CHLSN: variants seen among roughly 807,000 people sequenced by gnomAD.
The protein encoded by CHLSN is cholesin.
At chr7:1,018,491 T>C in the CHLSN span, among the ~76,000 whole-genome samples, 1 of 151,704 alleles carries the variant, frequency 6.6e-6, no homozygotes, top group South Asian at 2.1e-4. Flanking sequence ...GGCACACCCA[T>C]GGCCAGCAGG....
At chr7:1,093,328 G>T in the CHLSN span, 1 of 423,416 alleles carries the variant, frequency 2.4e-6, no homozygotes, top group Non-Finnish European at 5.0e-6. Flanking sequence ...GTCTGAGCTG[G>T]ACGTCGCGGT....
chr7:1,081,074 G>A, the CHLSN span, among the ~76,000 whole-genome samples: 5 of 152,370 alleles, frequency 3.3e-5, no homozygotes, highest in East Asian at 1.9e-4. Flanking sequence ...GTGGAGGAGG[G>A]GGAGCACGCC....
chr7:1,029,252 C>T, the CHLSN span, among the ~76,000 whole-genome samples: 5 of 152,126 alleles, frequency 3.3e-5, no homozygotes, highest in South Asian at 6.2e-4. Context: ...CTTGGCCTTC[C>T]GAGTAGCTGG....
At chr7:1,134,023 T>C in the CHLSN span, among the ~76,000 whole-genome samples, 1 of 152,080 alleles carries the variant, frequency 6.6e-6, no homozygotes, top group African/African-American at 2.4e-5. Context: ...CAGACTGGTC[T>C]CAAACTCCTG....
At chr7:1,088,503 C>T in the CHLSN span, among the ~76,000 whole-genome samples, 1 of 152,192 alleles carries the variant, frequency 6.6e-6, no homozygotes, top group African/African-American at 2.4e-5. This position sits in a 1 kb window ranked among gnomAD's most constrained non-coding sequence, Gnocchi z 4.5. Flanking sequence ...CCCGGAGCTC[C>T]GGTGGTCTCA....
At chr7:1,083,413 A>G in the CHLSN span, among the ~76,000 whole-genome samples, 2 of 152,052 alleles carry the variant, frequency 1.3e-5, no homozygotes, top group African/African-American at 4.8e-5. Context: ...TCACGAGGTC[A>G]GGAGATCGAG....
At chr7:1,004,928 G>A in the CHLSN span, among the ~76,000 whole-genome samples, 2 of 152,162 alleles carry the variant, frequency 1.3e-5, no homozygotes, top group African/African-American at 2.4e-5. Flanking sequence ...CCAGAGAGAA[G>A]AACCTCCTCC....
the CHLSN span, among the ~76,000 whole-genome samples, chr7:992,684 T>C: frequency 2.0e-5 from 3 of 152,214 alleles, no homozygotes; most frequent in Non-Finnish European, 4.4e-5. Flanking sequence ...CTCTGGGACC[T>C]GGGCCCTCCC....
At chr7:1,068,140 A>G in the CHLSN span, among the ~76,000 whole-genome samples, 13 of 152,188 alleles carry the variant, frequency 8.5e-5, no homozygotes, top group Non-Finnish European at 1.6e-4. Flanking sequence ...AGCAGAGGGC[A>G]AAGCCTTGAG....
At chr7:1,027,880 C>T in the CHLSN span, among the ~76,000 whole-genome samples, 3 of 152,210 alleles carry the variant, frequency 2.0e-5, no homozygotes, top group Non-Finnish European at 4.4e-5. Context: ...GCTGCTGCAT[C>T]GCGGCTGGGG....
the CHLSN span, chr7:984,353 G>A: frequency 7.5e-6 from 11 of 1,467,920 alleles, no homozygotes; most frequent in Admixed American, 1.8e-4. Context: ...GGCCTGAGGG[G>A]ACCTAAGGGG....
At chr7:1,134,837 A>G in the CHLSN span, among the ~76,000 whole-genome samples, 1 of 152,140 alleles carries the variant, frequency 6.6e-6, no homozygotes, top group Admixed American at 6.5e-5. Flanking sequence ...AGATCGCACC[A>G]CTGCACTCCA....
At chr7:1,029,806 G>A in the CHLSN span, among the ~76,000 whole-genome samples, 1 of 152,226 alleles carries the variant, frequency 6.6e-6, no homozygotes, top group Non-Finnish European at 1.5e-5. Context: ...AGTCAGGCCT[G>A]GGGCTGGCTG....
chr7:1,127,604 T>C, the CHLSN span, among the ~76,000 whole-genome samples: 2 of 152,066 alleles, frequency 1.3e-5, no homozygotes, highest in African/African-American at 4.8e-5. Flanking sequence ...TGTCTTTTTT[T>C]TTTTTGAGTC....
At chr7:1,016,170 CACACA>C in the CHLSN span, among the ~76,000 whole-genome samples, 7 of 99,216 alleles carry the variant, frequency 7.1e-5, 1 homozygote, top group African/African-American at 2.2e-4. Flanking sequence ...CACACAGCAG[CACACA>C]GCAGCACACG....
the CHLSN span, among the ~76,000 whole-genome samples, chr7:1,129,838 C>T: frequency 6.6e-6 from 1 of 152,170 alleles, no homozygotes; most frequent in Non-Finnish European, 1.5e-5. Flanking sequence ...GAACACAAAG[C>T]GTTTAAGATT....
At chr7:1,086,406 C>T in the CHLSN span, among the ~76,000 whole-genome samples, 1 of 152,214 alleles carries the variant, frequency 6.6e-6, no homozygotes, top group Non-Finnish European at 1.5e-5. Flanking sequence ...AGCAAATCAG[C>T]TCTTTATCAT....
the CHLSN span, among the ~76,000 whole-genome samples, chr7:1,038,398 A>C: frequency 2.9e-5 from 2 of 68,588 alleles, no homozygotes; most frequent in Non-Finnish European, 5.9e-5. Context: ...GGGGCCCCTC[A>C]GCCCGGCCAG....
the CHLSN span, among the ~76,000 whole-genome samples, chr7:980,173 A>C: frequency 1.3e-5 from 2 of 152,174 alleles, no homozygotes; most frequent in Non-Finnish European, 2.9e-5. Context: ...TGAGTTTGGA[A>C]CCAGGTCTGT....
Sources: gnomAD v4.1 joint callset for allele counts (sites outside exome capture counted in the v4.1 genomes callset) on GRCh38, gnomAD v4.1.1 for gene constraint, Gnocchi (gnomAD v3.1) non-coding constraint, MANE v1.5 for transcripts, NCBI Gene and HGNC (gene_info 2026-07-23, HGNC 2026-07-21) for gene names.